The following CUX1 variants were observed in gnomAD, a reference collection of about 807,000 sequenced individuals.
The protein encoded by CUX1 is cut like homeobox 1, also known as protein CASP.
Under a neutral mutation model 158.8 loss-of-function variants are expected in CUX1, and 31 were observed. The ratio of observed to expected loss-of-function variants is 0.20; its 90% CI spans 0.15 to 0.26. The LOEUF (loss-of-function observed/expected upper bound fraction) is 0.26, where lower values mean the gene tolerates loss of function less well. Ranked by LOEUF, CUX1 falls within the 10% of genes least tolerant of loss-of-function variation. The pLI is 1.00. For synonymous variants in CUX1, 879 were observed against 862.1 expected, an observed-to-expected ratio of 1.02 and a Z score of -0.34; for missense variants, 1,589 against 2,014.6, an observed-to-expected ratio of 0.79 and a Z score of 4.04.
chr7:102,208,296 T>A (rs1796153198), intron 20 of CUX1, among the ~76,000 whole-genome samples: 2 of 151,966 alleles, frequency 1.3e-5, no homozygotes, highest in South Asian at 2.1e-4. Context: ...TAGGCTGGAG[T>A]GCAGTGGCAC....
chr7:102,021,752 G>T (rs1768006244), intron 2 of CUX1, among the ~76,000 whole-genome samples: 1 of 151,646 alleles, frequency 6.6e-6, no homozygotes, highest in South Asian at 2.1e-4. Flanking sequence ...GTAGAGATGG[G>T]GTTTCTCCAT....
chr7:102,135,750 G>A (rs1833837839), intron 8 of CUX1, among the ~76,000 whole-genome samples: 1 of 152,078 alleles, frequency 6.6e-6, no homozygotes, highest in Non-Finnish European at 1.5e-5. Context: ...CAAGGCAGGC[G>A]GATCACTTGA....
chr7:102,183,683 C>A (rs1793357353), intron 11 of CUX1, among the ~76,000 whole-genome samples: 1 of 152,124 alleles, frequency 6.6e-6, no homozygotes, highest in African/African-American at 2.4e-5. Flanking sequence ...CCAGGGGGTC[C>A]CCGTGAGACC....
chr7:102,136,758 A>G (rs1408722818), intron 8 of CUX1, among the ~76,000 whole-genome samples: 1 of 152,218 alleles, frequency 6.6e-6, no homozygotes, highest in Non-Finnish European at 1.5e-5. Context: ...GCAGCTGCAC[A>G]TAAATGTATC....
intron 1 of CUX1, among the ~76,000 whole-genome samples, chr7:101,830,059 T>A (rs1025377412): frequency 1.3e-5 from 2 of 152,186 alleles, no homozygotes; most frequent in Admixed American, 6.5e-5. Flanking sequence ...TACAAGACTT[T>A]CCTCTGAGAT....
rs568667500 is a variant in CUX1 at position 102,197,597 on chromosome 7, A to G, written c.1894+292A>G. 4.3e-4 allele frequency among the ~76,000 whole-genome samples: 66 copies of G among 152,270 alleles called. 1 individual carries two copies. The South Asian group carries it at 0.013, about 31-fold the overall frequency. On this transcript the variant is annotated intron_variant, in intron 15 of 23. Transcript: ENST00000292535. ...CAGAGGGAATTGCATTACATGATGT[A>G]TAGCGTCTCCGTATGCTTAGTGGCC...
intron 8 of CUX1, among the ~76,000 whole-genome samples, chr7:102,130,013 G>A (rs1833043883): frequency 1.3e-5 from 2 of 152,206 alleles, no homozygotes; most frequent in Non-Finnish European, 2.9e-5. Flanking sequence ...TAGGAAGGCA[G>A]GAGCGAGCGA....
rs1026128386 is a variant in CUX1 at position 102,026,809 on chromosome 7, C to T, written c.142-1289C>T. 2.4e-4 allele frequency among the ~76,000 whole-genome samples: 28 copies of T among 115,140 alleles called. No homozygotes were observed. The Admixed American group carries it at 2.7e-3, about 11-fold the overall frequency. 75.5% of individuals were successfully genotyped at this position (115,140 alleles called of 152,430 possible). ...CACTCCAGCCTAGGCAACAGTGAGA[C>T]TCCGTCTTTAAAAAAAAAAAAAAAA... On this transcript the variant is annotated intron_variant, in intron 2 of 23. Coordinates refer to ENST00000292535, the MANE Select transcript of CUX1 (RefSeq NM_181552.4).
chr7:102,181,633 T>C (rs1051539284), intron 11 of CUX1, among the ~76,000 whole-genome samples: 3 of 152,220 alleles, frequency 2.0e-5, no homozygotes, highest in Non-Finnish European at 4.4e-5. Context: ...TCTTCCAAAA[T>C]CATTGCTACC....
chr7:102,239,386 C>T lies in CUX1; in HGVS notation c.3689C>T (p.Thr1230Ile). The T allele has an allele frequency of 1.2e-6, 2 of 1,613,260 alleles. No homozygotes were observed. Among genetic ancestry groups the T allele is most frequent in the East Asian group, 2.2e-5 (1 of 44,868 alleles). ...CCCTGCGAACCGCCCTCTGTCGGCA[C>T]CGAGTACAGCCAGGGCGCCAGCCCC... ...SQPCEPPSVG[T>I]EYSQGASPQP... is the part of the protein sequence containing the mutation. The change falls in exon 23 of 24, where the codon ACC becomes ATC. Residue 1230 changes from threonine (T) to isoleucine (I), a missense_variant. By Grantham distance (89) the Thr-to-Ile change is moderately conservative. Coordinates refer to ENST00000292535, the MANE Select transcript of CUX1 (RefSeq NM_181552.4).
upstream of CUX1, among the ~76,000 whole-genome samples, chr7:101,816,391 C>A (rs1451136446): frequency 7.0e-6 from 1 of 143,266 alleles, no homozygotes; most frequent in East Asian, 2.1e-4. Context: ...ACCCCGGGCG[C>A]CCCCCCGGGC....
At position 102,204,588 on chromosome 7, in the gene CUX1, GC is replaced by G. The variant is rs562450680; in HGVS notation, c.3073+39del. ...GGGGTCCTGCCACAGGAGAGGGGCT[GC>G]CCCCCCATAGCAAGGACCTGGTCAC... On this transcript the variant is annotated intron_variant, in intron 19 of 23. Transcript: ENST00000292535. 1.2e-5 allele frequency: 19 copies of G among 1,605,066 alleles called. No individual in the cohort carries two copies. In the East Asian group the frequency reaches 2.0e-4, roughly 17 times the overall value.
chr7:101,927,900 C>A (rs1045297238), intron 2 of CUX1, among the ~76,000 whole-genome samples: 2 of 152,190 alleles, frequency 1.3e-5, no homozygotes, highest in East Asian at 1.9e-4. Flanking sequence ...CATCTGAAGA[C>A]CCCGCAGGCC....
At chr7:102,021,713 A>G (rs1260385263) in intron 2 of CUX1, among the ~76,000 whole-genome samples, 1 of 142,818 alleles carries the variant, frequency 7.0e-6, no homozygotes, top group Non-Finnish European at 1.5e-5. Context: ...ATGCACCACC[A>G]TGCCCACCTA....
chr7:102,202,293 C>A, intron 18 of CUX1, 89 bp downstream of exon 18: 1 of 1,492,844 alleles, frequency 6.7e-7, no homozygotes, highest in South Asian at 1.3e-5. Flanking sequence ...TGACCCTCAC[C>A]CATTTCAATT....
chr7:101,939,054 A>AATAC (rs1563035769), intron 2 of CUX1, among the ~76,000 whole-genome samples: 75 of 92,608 alleles, frequency 8.1e-4, no homozygotes, highest in African/African-American at 3.3e-3. Context: ...AAAAAAAAAA[A>AATAC]ATACATATAT....
intron 5 of CUX1, 94 bp from the exon 6 acceptor site, chr7:102,104,242 C>A: frequency 7.9e-7 from 1 of 1,272,066 alleles, no homozygotes; most frequent in Non-Finnish European, 1.1e-6. Flanking sequence ...GTTTAAAACA[C>A]ACCGATCCTA....
At chr7:102,183,377 A>G (rs1466443924) in intron 11 of CUX1, among the ~76,000 whole-genome samples, 6 of 151,292 alleles carry the variant, frequency 4.0e-5, no homozygotes, top group African/African-American at 1.5e-4. Context: ...TGTCCCAGCT[A>G]CCTGGGAGGC....
chr7:101,902,589 G>A (rs1047351431), intron 1 of CUX1, among the ~76,000 whole-genome samples: 1 of 152,322 alleles, frequency 6.6e-6, no homozygotes, highest in Non-Finnish European at 1.5e-5. Flanking sequence ...GGTCCCTGGA[G>A]CCAATTAATT....
Sources: allele counts gnomAD v4.1 joint callset (sites outside exome capture counted in the v4.1 genomes callset), GRCh38; gene constraint gnomAD v4.1.1; transcripts MANE v1.5; gene names NCBI Gene and HGNC (gene_info 2026-07-23, HGNC 2026-07-21).